Variants in AGBL1 observed in about 807,000 individuals in gnomAD.
AGBL1 encodes cytosolic carboxypeptidase 4.
AGBL1 carries 130 observed loss-of-function variants against 118.9 expected under a neutral mutation model. The ratio of observed to expected loss-of-function variants is 1.09; its 90% CI spans 0.95 to 1.26. The LOEUF (loss-of-function observed/expected upper bound fraction) is 1.26. AGBL1 is among the 50% of genes most tolerant of loss of function. The pLI is 0.00. For synonymous variants in AGBL1, 555 were observed against 478.9 expected (o/e 1.16, Z -2.08); for missense variants, 1,584 against 1,298.1 (o/e 1.22, Z -3.38).
At chr15:86,235,631 G>A (rs1230072853) in intron 6 of AGBL1, among the ~76,000 whole-genome samples, 6 of 152,206 alleles carry the variant, frequency 3.9e-5, no homozygotes, top group Non-Finnish European at 7.3e-5. Context: ...TACCTAAGGT[G>A]TTTCCTAGCA....
chr15:86,608,267 A>G (rs566598345), intron 21 of AGBL1, among the ~76,000 whole-genome samples: 2 of 152,220 alleles, frequency 1.3e-5, no homozygotes, highest in South Asian at 2.1e-4. Flanking sequence ...AATAATCTCT[A>G]CTATGTTAGG....
At chr15:86,424,292 A>G (rs1052150026) in intron 18 of AGBL1, among the ~76,000 whole-genome samples, 1 of 152,200 alleles carries the variant, frequency 6.6e-6, no homozygotes, top group Non-Finnish European at 1.5e-5. Flanking sequence ...TGGGGAAAGG[A>G]TTTCCTATTT....
At chr15:86,971,193 T>C (rs2035733487) in intron 23 of AGBL1, among the ~76,000 whole-genome samples, 1 of 152,046 alleles carries the variant, frequency 6.6e-6, no homozygotes, top group African/African-American at 2.4e-5. Context: ...TAGCTCTTCC[T>C]GTTTGCATGA....
intron 21 of AGBL1, among the ~76,000 whole-genome samples, chr15:86,644,089 G>C (rs1308783487): frequency 1.3e-5 from 2 of 152,096 alleles, no homozygotes; most frequent in African/African-American, 2.4e-5. Context: ...TAAATATACT[G>C]TATGTCTATT....
chr15:86,976,538 C>A (rs2141714112), intron 23 of AGBL1, among the ~76,000 whole-genome samples: 2 of 152,008 alleles, frequency 1.3e-5, no homozygotes, highest in African/African-American at 4.8e-5. Context: ...CTTTTGCATG[C>A]CTTTTTCTTA....
chr15:86,596,309 C>T (rs1046438017), intron 21 of AGBL1, among the ~76,000 whole-genome samples: 3 of 152,230 alleles, frequency 2.0e-5, no homozygotes, highest in East Asian at 3.9e-4. Flanking sequence ...TGCTAGGATC[C>T]AAGTCCCCAT....
chr15:86,484,397 A>G (rs1380879844), intron 18 of AGBL1, among the ~76,000 whole-genome samples: 1 of 152,120 alleles, frequency 6.6e-6, no homozygotes, highest in East Asian at 1.9e-4. Context: ...TGTGTTCATA[A>G]TGTCCTGGGC....
At chr15:86,989,040 T>C (rs2081312385) in intron 24 of AGBL1, among the ~76,000 whole-genome samples, 2 of 149,698 alleles carry the variant, frequency 1.3e-5, no homozygotes, top group Admixed American at 1.4e-4. Flanking sequence ...CTTGCTCTAT[T>C]GCCCAGGCTG....
chr15:86,998,702 T>G (rs983072661), intron 24 of AGBL1, among the ~76,000 whole-genome samples: 42 of 152,328 alleles, frequency 2.8e-4, no homozygotes. Flanking sequence ...GAATCTCATT[T>G]GGTTGTAACA....
chr15:86,971,047 C>T (rs1369870296), intron 23 of AGBL1, among the ~76,000 whole-genome samples: 1 of 151,932 alleles, frequency 6.6e-6, no homozygotes, highest in Non-Finnish European at 1.5e-5. Context: ...GAGATTTGTG[C>T]ATTCGTGAAT....
At position 86,154,552 on chromosome 15, in the gene AGBL1, G is replaced by T. The variant is rs1385284823; in HGVS notation, c.385G>T (p.Ala129Ser). The T allele has an allele frequency of 3.1e-6, 5 of 1,608,342 alleles. No homozygotes were observed. Among genetic ancestry groups the T allele is most frequent in the Non-Finnish European group, 4.2e-6 (5 of 1,176,922 alleles). ...LHCLWALRVFASSVSMGAMLG... is the reference protein window; with the variant it reads ...LHCLWALRVFSSSVSMGAMLG... ...CTGTCTCTGGGCTCTGCGTGTGTTT[G>T]CCTCCAGTGGTAAGTGACTCTATTG... Residue 129 changes from alanine to serine, a missense_variant, in exon 4 of 23, where the codon GCC becomes TCC. Coordinates refer to ENST00000614907, the MANE Select transcript of AGBL1 (RefSeq NM_001386094.1).
At chr15:86,601,528 T>A (rs555068995) in intron 21 of AGBL1, among the ~76,000 whole-genome samples, 1 of 152,254 alleles carries the variant, frequency 6.6e-6, no homozygotes, top group South Asian at 2.1e-4. Flanking sequence ...TTCAATGAAT[T>A]AATAAATGAA....
intron 16 of AGBL1, among the ~76,000 whole-genome samples, chr15:86,289,473 T>C (rs894800508): frequency 2.0e-5 from 3 of 152,302 alleles, no homozygotes; most frequent in East Asian, 1.9e-4. Context: ...TCACATACAT[T>C]ATACAACTAA....
At position 86,125,328 on chromosome 15, in the gene AGBL1, G is replaced by A. The variant is rs754938825; in HGVS notation, c.52-16676G>A. Among the ~76,000 whole-genome samples, 51 of 152,014 alleles carry A rather than the reference G, an allele frequency of 3.4e-4. 1 individual carries two copies. Among genetic ancestry groups the A allele is most frequent in the Admixed American group, 2.9e-3 (45 of 15,266 alleles). ...TCTTATTTCCATGATGAAGCCTTTC[G>A]TGACTAGACTTTCCCTTTCTCTCAT... On this transcript the variant is annotated intron_variant, in intron 1 of 22. Coordinates refer to ENST00000614907, the MANE Select transcript of AGBL1 (RefSeq NM_001386094.1).
chr15:86,351,978 T>C (rs1393705020), intron 17 of AGBL1, among the ~76,000 whole-genome samples: 1 of 152,184 alleles, frequency 6.6e-6, no homozygotes, highest in African/African-American at 2.4e-5. Context: ...ATAGGACTCC[T>C]CAGATATTCT....
chr15:86,137,543 T>C (rs10520609), intron 1 of AGBL1, among the ~76,000 whole-genome samples: 1 of 152,142 alleles, frequency 6.6e-6, no homozygotes, highest in African/African-American at 2.4e-5. Flanking sequence ...GACCCAAAAT[T>C]GTGTCTTCAT....
chr15:86,855,165 A>G (rs921873833), intron 22 of AGBL1, among the ~76,000 whole-genome samples: 2 of 152,232 alleles, frequency 1.3e-5, no homozygotes, highest in African/African-American at 4.8e-5. Flanking sequence ...CTTAAATTCA[A>G]TAGCATAAAT....
chr15:86,936,868 C>T (rs192894830), intron 23 of AGBL1, among the ~76,000 whole-genome samples: 1 of 152,262 alleles, frequency 6.6e-6, no homozygotes, highest in Non-Finnish European at 1.5e-5. Context: ...AAACAGACAA[C>T]CTACAAAATG....
chr15:86,778,107 A>G (rs2078284424), intron 22 of AGBL1, among the ~76,000 whole-genome samples: 1 of 152,138 alleles, frequency 6.6e-6, no homozygotes, highest in Non-Finnish European at 1.5e-5. Flanking sequence ...AGGTTCCATG[A>G]TGGCCCCTGA....
Sources: gnomAD v4.1 joint callset for allele counts (sites outside exome capture counted in the v4.1 genomes callset) on GRCh38, gnomAD v4.1.1 for gene constraint, MANE v1.5 for transcripts, NCBI Gene and HGNC (gene_info 2026-07-23, HGNC 2026-07-21) for gene names.